The following LRRC3B variants were observed in gnomAD, a reference collection of about 807,000 sequenced individuals.
The protein encoded by LRRC3B is leucine-rich repeat-containing protein 3B.
A neutral mutation model predicts 12.8 loss-of-function variants in LRRC3B; 2 were observed. That is an observed-to-expected ratio of 0.16 (90% CI 0.06 to 0.49). The LOEUF is 0.49. LRRC3B is among the 20% of genes least tolerant of loss of function. The probability of loss-of-function intolerance (pLI) is 0.96; values close to 1 mark genes in which losing one functional copy is unlikely to be tolerated. For synonymous variants in LRRC3B, 132 were observed against 122.0 expected (o/e 1.08, Z -0.54); for missense variants, 189 against 319.4 (o/e 0.59, Z 3.11).
intron 1 of LRRC3B, among the ~76,000 whole-genome samples, chr3:26,669,416 A>G (rs1699674621): frequency 6.6e-6 from 1 of 152,224 alleles, no homozygotes; most frequent in Non-Finnish European, 1.5e-5. Context: ...ACAAATCTCA[A>G]CTAGTTTTAC....
chr3:26,703,500 A>C (rs923791100), intron 1 of LRRC3B, among the ~76,000 whole-genome samples: 2 of 152,064 alleles, frequency 1.3e-5, no homozygotes, highest in African/African-American at 2.4e-5. Context: ...GTTCTGGTTG[A>C]AGGCTGTTGA....
At chr3:26,683,629 T>C (rs1039607130) in intron 1 of LRRC3B, among the ~76,000 whole-genome samples, 9 of 152,176 alleles carry the variant, frequency 5.9e-5, no homozygotes, top group African/African-American at 2.2e-4. Context: ...GAACCATACA[T>C]GCATAAGGTT....
At chr3:26,669,235 G>A (rs1699670044) in intron 1 of LRRC3B, among the ~76,000 whole-genome samples, 2 of 152,170 alleles carry the variant, frequency 1.3e-5, no homozygotes, top group Non-Finnish European at 2.9e-5. Flanking sequence ...AAATTCGATG[G>A]GAAGATGAGT....
At chr3:26,706,951 T>TATTTA (rs1341221332) in intron 1 of LRRC3B, among the ~76,000 whole-genome samples, 1 of 152,232 alleles carries the variant, frequency 6.6e-6, no homozygotes, top group East Asian at 1.9e-4. Context: ...ATAACATATT[T>TATTTA]ATTTAGTCCT....
At chr3:26,654,587 T>C (rs1699332618) in intron 1 of LRRC3B, among the ~76,000 whole-genome samples, 1 of 152,170 alleles carries the variant, frequency 6.6e-6, no homozygotes, top group Non-Finnish European at 1.5e-5. Flanking sequence ...AGGAGGATGT[T>C]CTAGGCAGAG....
chr3:26,673,821 T>C (rs1699802150), intron 1 of LRRC3B, among the ~76,000 whole-genome samples: 1 of 152,200 alleles, frequency 6.6e-6, no homozygotes, highest in Admixed American at 6.5e-5. Flanking sequence ...GTTTTCTTAA[T>C]GTAGTGCATT....
At chr3:26,628,485 A>T (rs1698679489) in intron 1 of LRRC3B, among the ~76,000 whole-genome samples, 1 of 150,820 alleles carries the variant, frequency 6.6e-6, no homozygotes, top group Non-Finnish European at 1.5e-5. Context: ...GATTTTATTT[A>T]AAAAAATATA....
chr3:26,663,152 G>A (rs1387913207), intron 1 of LRRC3B, among the ~76,000 whole-genome samples: 1 of 152,084 alleles, frequency 6.6e-6, no homozygotes, highest in Non-Finnish European at 1.5e-5. Context: ...CATTTCCATA[G>A]GTTTCTCCTT....
chr3:26,639,011 A>T (rs1209912547), intron 1 of LRRC3B, among the ~76,000 whole-genome samples: 2 of 152,202 alleles, frequency 1.3e-5, no homozygotes, highest in Non-Finnish European at 2.9e-5. Flanking sequence ...CAAAATGATA[A>T]CATCCTTGGA....
intron 1 of LRRC3B, among the ~76,000 whole-genome samples, chr3:26,696,699 T>C (rs1700326918): frequency 6.6e-6 from 1 of 152,194 alleles, no homozygotes; most frequent in Admixed American, 6.5e-5. Flanking sequence ...TTCCACCACA[T>C]TTCTATCTCA....
chr3:26,686,985 G>T (rs1049920095), intron 1 of LRRC3B, among the ~76,000 whole-genome samples: 4 of 152,108 alleles, frequency 2.6e-5, no homozygotes, highest in African/African-American at 9.7e-5. Context: ...GACAATCCCC[G>T]AATGGGTCAC....
At chr3:26,708,001 T>C (rs17349384) in intron 1 of LRRC3B, among the ~76,000 whole-genome samples, 44,395 of 152,144 alleles carry the variant, frequency 0.29, 7,040 homozygotes, top group Middle Eastern at 0.41. Context: ...GCTAATCTCA[T>C]TTTTTCCATG....
chr3:26,647,198 A>G (rs183038980), intron 1 of LRRC3B, among the ~76,000 whole-genome samples: 48 of 152,192 alleles, frequency 3.2e-4, no homozygotes, highest in Middle Eastern at 3.4e-3. Context: ...GTCACCCCTA[A>G]GAGTAGCCTT....
At chr3:26,678,434 C>T (rs1699906358) in intron 1 of LRRC3B, among the ~76,000 whole-genome samples, 2 of 151,714 alleles carry the variant, frequency 1.3e-5, no homozygotes, top group Non-Finnish European at 1.5e-5. Flanking sequence ...GCGAAGGTTA[C>T]AGTGATCCAA....
At chr3:26,684,995 C>T (rs1027120297) in intron 1 of LRRC3B, among the ~76,000 whole-genome samples, 1 of 151,842 alleles carries the variant, frequency 6.6e-6, no homozygotes, top group Non-Finnish European at 1.5e-5. Flanking sequence ...CTCTTGTTGC[C>T]CAGGCTGGAG....
intron 1 of LRRC3B, among the ~76,000 whole-genome samples, chr3:26,650,974 C>T (rs956020710): frequency 6.6e-6 from 1 of 152,164 alleles, no homozygotes; most frequent in Non-Finnish European, 1.5e-5. Context: ...TGAAGAAATG[C>T]ACCTCAAGTT....
At chr3:26,708,011 G>A (rs1442289957) in intron 1 of LRRC3B, among the ~76,000 whole-genome samples, 2 of 152,118 alleles carry the variant, frequency 1.3e-5, no homozygotes, top group Non-Finnish European at 2.9e-5. Context: ...TTTTTTCCAT[G>A]ATTAACAATC....
intron 1 of LRRC3B, among the ~76,000 whole-genome samples, chr3:26,665,122 G>T (rs941524068): frequency 6.6e-6 from 1 of 151,826 alleles, no homozygotes; most frequent in Non-Finnish European, 1.5e-5. Context: ...GCTGTATTTG[G>T]AGATTATTAA....
At chr3:26,699,953 A>G (rs1469086489) in intron 1 of LRRC3B, among the ~76,000 whole-genome samples, 3 of 152,148 alleles carry the variant, frequency 2.0e-5, no homozygotes, top group Non-Finnish European at 4.4e-5. Context: ...GTGGGTTTCA[A>G]AAATGTATTT....
Sources: gnomAD v4.1 joint callset for allele counts (sites outside exome capture counted in the v4.1 genomes callset) on GRCh38, gnomAD v4.1.1 for gene constraint, MANE v1.5 for transcripts, NCBI Gene and HGNC (gene_info 2026-07-23, HGNC 2026-07-21) for gene names.